Variants in ACVR2A observed in about 807,000 individuals in gnomAD.
ACVR2A encodes the protein activin A receptor type 2A.
A neutral mutation model predicts 61.4 loss-of-function variants in ACVR2A; 7 were observed. That is an observed-to-expected ratio of 0.11 (90% CI 0.06 to 0.21). The LOEUF is 0.21. ACVR2A is among the 10% of genes least tolerant of loss of function. ACVR2A has a pLI of 1.00. For missense variants in ACVR2A, 322 were observed against 621.7 expected (o/e 0.52, Z 5.13); for synonymous variants, 193 against 208.3 (o/e 0.93, Z 0.63).
chr2:147,916,619 A>G (rs1361620765), intron 5 of ACVR2A, among the ~76,000 whole-genome samples: 1 of 151,880 alleles, frequency 6.6e-6, no homozygotes, highest in Non-Finnish European at 1.5e-5. Flanking sequence ...TTGGATGCAG[A>G]GAGTTTCTAA....
Position 147,927,359 on chromosome 2 carries a change from G to A in ACVR2A, c.*85G>A. 1 of 1,279,068 alleles carries A rather than the reference G, an allele frequency of 7.8e-7. No homozygotes were observed. Among genetic ancestry groups the A allele is most frequent in the South Asian group, 1.5e-5 (1 of 66,222 alleles). 79.2% of individuals were successfully genotyped at this position (1,279,068 alleles called of 1,614,324 possible). On this transcript the variant is annotated 3_prime_UTR_variant, in exon 11 of 11. Coordinates refer to ENST00000241416, the MANE Select transcript of ACVR2A (RefSeq NM_001616.5). ...AGAAACTGCTTACAGTTTATTTTCT[G>A]TGTAAAATGAGTAGGATGTCTCTTG...
chr2:147,886,927 CA>C (rs968047260), intron 1 of ACVR2A, among the ~76,000 whole-genome samples: 1 of 151,938 alleles, frequency 6.6e-6, no homozygotes, highest in African/African-American at 2.4e-5. Flanking sequence ...TACAAGAAGA[CA>C]AGGCTGAGTG....
intron 1 of ACVR2A, among the ~76,000 whole-genome samples, chr2:147,872,670 G>T (rs1573923087): frequency 6.7e-6 from 1 of 149,866 alleles, no homozygotes; most frequent in Non-Finnish European, 1.5e-5. Context: ...AAATTATGAT[G>T]TTTTTTTTCT....
intron 3 of ACVR2A, 22 bp downstream of exon 3, chr2:147,899,589 G>A (rs763889786): frequency 9.4e-6 from 15 of 1,603,762 alleles, no homozygotes; most frequent in African/African-American, 1.3e-5. Flanking sequence ...GGGAAAATAC[G>A]TAGGTTTGCT....
chr2:147,857,828 TA>T (rs141972793), intron 1 of ACVR2A, among the ~76,000 whole-genome samples: 21,080 of 151,034 alleles, frequency 0.14, 1,840 homozygotes, highest in Middle Eastern at 0.22. Context: ...ACATGCGACT[TA>T]AAAAAAAAAT....
intron 5 of ACVR2A, among the ~76,000 whole-genome samples, chr2:147,916,426 T>C (rs1168945968): frequency 6.6e-6 from 1 of 151,956 alleles, no homozygotes; most frequent in Non-Finnish European, 1.5e-5. Flanking sequence ...AGGGGTGTTT[T>C]ACATATATGA....
chr2:147,918,643 A>C (rs959358039), intron 7 of ACVR2A, 51 bp downstream of exon 7: 6 of 1,495,134 alleles, frequency 4.0e-6, no homozygotes, highest in Non-Finnish European at 5.4e-6. Context: ...ATATTTACTA[A>C]ACTTTTAAGC....
At chr2:147,905,571 GGT>G (rs938170488) in intron 4 of ACVR2A, among the ~76,000 whole-genome samples, 8 of 151,370 alleles carry the variant, frequency 5.3e-5, no homozygotes, top group African/African-American at 1.9e-4. Context: ...TGTGTGTGTG[GGT>G]GTGTGTATGT....
upstream of ACVR2A, chr2:147,844,977 T>TTA: frequency 2.6e-6 from 1 of 388,414 alleles, no homozygotes; most frequent in Non-Finnish European, 4.5e-6. Context: ...TTTTTTTTCT[T>TTA]TTTTTTTTTT....
chr2:147,914,020 G>A (rs2105212064), intron 4 of ACVR2A, among the ~76,000 whole-genome samples: 1 of 151,972 alleles, frequency 6.6e-6, no homozygotes, highest in Non-Finnish European at 1.5e-5. Context: ...CTAGTACACA[G>A]TAAACTTTTA....
At chr2:147,888,682 T>TTC (rs878970216) in intron 1 of ACVR2A, among the ~76,000 whole-genome samples, 15 of 136,010 alleles carry the variant, frequency 1.1e-4, no homozygotes, top group Admixed American at 1.6e-4. Context: ...CTGCTGCTTC[T>TTC]TTTTTTTTTT....
chr2:147,903,965 A>T (rs1223094557), intron 4 of ACVR2A, among the ~76,000 whole-genome samples: 1 of 152,020 alleles, frequency 6.6e-6, no homozygotes, highest in Non-Finnish European at 1.5e-5. Flanking sequence ...ATGTCCAGGG[A>T]TTCCTTTAAT....
intron 4 of ACVR2A, among the ~76,000 whole-genome samples, chr2:147,914,557 T>A (rs549338815): frequency 2.6e-5 from 4 of 152,088 alleles, no homozygotes; most frequent in African/African-American, 9.6e-5. Flanking sequence ...ACACAAATGA[T>A]TTTTTATCTC....
At chr2:147,921,351 C>G (rs773698372) in intron 8 of ACVR2A, among the ~76,000 whole-genome samples, 2 of 152,114 alleles carry the variant, frequency 1.3e-5, no homozygotes, top group African/African-American at 4.8e-5. Context: ...ACCTTTTAAT[C>G]AGGGAAACCA....
At chr2:147,899,246 TATA>T (rs1686816530) in intron 2 of ACVR2A, among the ~76,000 whole-genome samples, 1 of 152,142 alleles carries the variant, frequency 6.6e-6, no homozygotes, top group Non-Finnish European at 1.5e-5. Context: ...GTGTGATTGT[TATA>T]AAATCAGTTG....
At chr2:147,923,132 T>TA in intron 9 of ACVR2A, 21 bp downstream of exon 9, 1 of 1,597,418 alleles carries the variant, frequency 6.3e-7, no homozygotes, top group Non-Finnish European at 8.5e-7. Context: ...AAAATATTTT[T>TA]AAAAAAGATA....
chr2:147,921,973 A>G (rs1482425837), intron 8 of ACVR2A, among the ~76,000 whole-genome samples: 3 of 152,138 alleles, frequency 2.0e-5, no homozygotes, highest in African/African-American at 7.2e-5. Context: ...AAGAACACAT[A>G]TAAAAGAGGG....
At chr2:147,890,800 T>G (rs530778714) in intron 1 of ACVR2A, among the ~76,000 whole-genome samples, 1 of 152,182 alleles carries the variant, frequency 6.6e-6, no homozygotes, top group South Asian at 2.1e-4. Flanking sequence ...TACATATAAT[T>G]TACTTATTTT....
chr2:147,857,950 T>G (rs1685629143), intron 1 of ACVR2A, among the ~76,000 whole-genome samples: 1 of 152,128 alleles, frequency 6.6e-6, no homozygotes, highest in African/African-American at 2.4e-5. Flanking sequence ...TAGTACTCAT[T>G]AGTTATTTTT....
Sources: gnomAD v4.1 joint callset for allele counts (sites outside exome capture counted in the v4.1 genomes callset) on GRCh38, gnomAD v4.1.1 for gene constraint, MANE v1.5 for transcripts, NCBI Gene and HGNC (gene_info 2026-07-23, HGNC 2026-07-21) for gene names.